KCNH7: variants seen among roughly 807,000 people sequenced by gnomAD.
KCNH7 encodes potassium voltage-gated channel subfamily H member 7, also known as voltage-gated inwardly rectifying potassium channel KCNH7.
KCNH7 carries 49 observed loss-of-function variants against 120.8 expected under a neutral mutation model. The observed-to-expected ratio is 0.41, with a 90% CI of 0.32 to 0.51. The LOEUF (loss-of-function observed/expected upper bound fraction) is 0.51, where lower values mean the gene tolerates loss of function less well. KCNH7 is among the 20% of genes least tolerant of loss of function. KCNH7 has a pLI of 0.38. For missense variants in KCNH7, 1,097 were observed against 1,446.6 expected, an observed-to-expected ratio of 0.76 and a Z score of 3.92; for synonymous variants, 547 against 516.1, an observed-to-expected ratio of 1.06 and a Z score of -0.81.
intron 6 of KCNH7, among the ~76,000 whole-genome samples, chr2:162,465,543 C>A (rs1401188238): frequency 2.0e-5 from 3 of 152,112 alleles, no homozygotes; most frequent in Non-Finnish European, 4.4e-5. Flanking sequence ...ACCTGAGTAT[C>A]TTTTGTGTTT....
At chr2:162,741,521 T>G (rs189671433) in intron 2 of KCNH7, among the ~76,000 whole-genome samples, 1 of 152,158 alleles carries the variant, frequency 6.6e-6, no homozygotes, top group Non-Finnish European at 1.5e-5. Flanking sequence ...ATATTAAATA[T>G]TTTATCCATC....
At chr2:162,693,328 T>C (rs151146160) in intron 2 of KCNH7, among the ~76,000 whole-genome samples, 3 of 152,144 alleles carry the variant, frequency 2.0e-5, no homozygotes, top group African/African-American at 7.2e-5. Flanking sequence ...GCCTGGAAGA[T>C]AAGAGGTTAT....
intron 2 of KCNH7, among the ~76,000 whole-genome samples, chr2:162,776,755 T>C (rs1356106871): frequency 6.6e-6 from 1 of 152,188 alleles, no homozygotes; most frequent in Non-Finnish European, 1.5e-5. Flanking sequence ...ATCTTTATAA[T>C]ATCTGCTCTT....
chr2:162,476,513 G>C (rs997633922), intron 6 of KCNH7, among the ~76,000 whole-genome samples: 1 of 151,948 alleles, frequency 6.6e-6, no homozygotes, highest in African/African-American at 2.4e-5. Flanking sequence ...TAAAATAAAG[G>C]TTATGAATCT....
intron 2 of KCNH7, among the ~76,000 whole-genome samples, chr2:162,715,521 G>A (rs1188055433): frequency 6.6e-6 from 1 of 152,162 alleles, no homozygotes. Flanking sequence ...AGCTCTCCCT[G>A]TAGCTATGCC....
chr2:162,712,223 A>G (rs1291329563), intron 2 of KCNH7, among the ~76,000 whole-genome samples: 1 of 152,168 alleles, frequency 6.6e-6, no homozygotes, highest in Non-Finnish European at 1.5e-5. Flanking sequence ...AGCTGAACAA[A>G]AGCAGATTTT....
chr2:162,549,731 A>G (rs1692604518), intron 2 of KCNH7, among the ~76,000 whole-genome samples: 1 of 152,226 alleles, frequency 6.6e-6, no homozygotes, highest in African/African-American at 2.4e-5. Flanking sequence ...TTAAAACTTA[A>G]TAAGATAAGA....
Position 162,595,848 on chromosome 2 carries a change from G to A in KCNH7, c.308-58768C>T, listed in dbSNP as rs530259051. 1.3e-3 allele frequency among the ~76,000 whole-genome samples: 202 copies of A among 151,712 alleles called. 1 individual carries two copies. The highest frequency in any genetic ancestry group is 4.4e-3 in the African/African-American group (183 of 41,424). On this transcript the variant is annotated intron_variant, in intron 2 of 15. Coordinates refer to ENST00000332142, the MANE Select transcript of KCNH7 (RefSeq NM_033272.4). ...TACTCCACCAAGAAATGTTAGAACA[G>A]CGAAATAAATTGAGTAAAATCACGG...
At chr2:162,685,977 G>A (rs1309270601) in intron 2 of KCNH7, among the ~76,000 whole-genome samples, 1 of 151,998 alleles carries the variant, frequency 6.6e-6, no homozygotes, top group African/African-American at 2.4e-5. Context: ...ACGAGAAACA[G>A]TTATTCTCTA....
intron 2 of KCNH7, among the ~76,000 whole-genome samples, chr2:162,731,840 G>T (rs1687741016): frequency 6.6e-6 from 1 of 152,104 alleles, no homozygotes; most frequent in Admixed American, 6.6e-5. Context: ...AAAGCTGGAT[G>T]GTAGGTATAG....
At chr2:162,802,005 C>G (rs920182498) in intron 2 of KCNH7, among the ~76,000 whole-genome samples, 4 of 151,702 alleles carry the variant, frequency 2.6e-5, no homozygotes, top group Non-Finnish European at 5.9e-5. Context: ...TATAGTGGTT[C>G]ACAAACTTTA....
At chr2:162,647,660 A>G (rs2105251753) in intron 2 of KCNH7, among the ~76,000 whole-genome samples, 1 of 152,276 alleles carries the variant, frequency 6.6e-6, no homozygotes, top group Middle Eastern at 3.4e-3. Flanking sequence ...CTTGCCTGCC[A>G]CCATTTAAGA....
At chr2:162,469,071 G>T (rs1264597225) in intron 6 of KCNH7, among the ~76,000 whole-genome samples, 2 of 152,076 alleles carry the variant, frequency 1.3e-5, no homozygotes, top group African/African-American at 4.8e-5. Flanking sequence ...GCACAGGCTG[G>T]TCTCAAACAA....
intron 2 of KCNH7, among the ~76,000 whole-genome samples, chr2:162,823,387 C>T (rs956586307): frequency 1.4e-4 from 22 of 152,048 alleles, no homozygotes; most frequent in Admixed American, 4.6e-4. Context: ...TAATTTAGCC[C>T]AATCCTTGAA....
chr2:162,737,955 C>T (rs1687977085), intron 2 of KCNH7, among the ~76,000 whole-genome samples: 1 of 151,368 alleles, frequency 6.6e-6, no homozygotes, highest in African/African-American at 2.4e-5. Flanking sequence ...ATCCCAGCTA[C>T]TCTGGAAGCT....
At chr2:162,667,018 C>CTTTTTTTTTTTTTTTTTTTTTTT (rs34213467) in intron 2 of KCNH7, among the ~76,000 whole-genome samples, 1 of 124,220 alleles carries the variant, frequency 8.1e-6, no homozygotes, top group Non-Finnish European at 1.6e-5. Flanking sequence ...TTTTCTTTTT[C>CTTTTTTTTTTTTTTTTTTTTTTT]TTTTTTTTTT....
chr2:162,502,578 G>T (rs1399285327), intron 6 of KCNH7, among the ~76,000 whole-genome samples: 1 of 152,046 alleles, frequency 6.6e-6, no homozygotes, highest in African/African-American at 2.4e-5. Flanking sequence ...TGACTACGCA[G>T]TTTGATGTGA....
At chr2:162,520,358 T>C (rs551143714) in intron 3 of KCNH7, among the ~76,000 whole-genome samples, 5 of 151,780 alleles carry the variant, frequency 3.3e-5, no homozygotes, top group Admixed American at 6.6e-5. Flanking sequence ...TTCCTACATA[T>C]TTCCACGCTA....
intron 2 of KCNH7, among the ~76,000 whole-genome samples, chr2:162,649,982 A>C (rs1411314537): frequency 1.3e-5 from 2 of 152,188 alleles, no homozygotes; most frequent in Non-Finnish European, 2.9e-5. Context: ...GTAAAGACTG[A>C]AGAAAAACAG....
Sources: allele counts gnomAD v4.1 joint callset (sites outside exome capture counted in the v4.1 genomes callset), GRCh38; gene constraint gnomAD v4.1.1; transcripts MANE v1.5; gene names NCBI Gene and HGNC (gene_info 2026-07-23, HGNC 2026-07-21).